The following OPCML variants were observed in gnomAD, a reference collection of about 807,000 sequenced individuals.
OPCML encodes opioid binding protein/cell adhesion molecule like, also known as opioid-binding protein/cell adhesion molecule.
Under a neutral mutation model 37.8 loss-of-function variants are expected in OPCML, and 13 were observed. That is an observed-to-expected ratio of 0.34 (90% CI 0.22 to 0.55). OPCML has a LOEUF of 0.55. OPCML is among the 20% of genes least tolerant of loss of function. The pLI is 0.91. For missense variants in OPCML, 341 were observed against 435.6 expected (o/e 0.78, Z 1.93); for synonymous variants, 176 against 168.8 (o/e 1.04, Z -0.33).
intron 1 of OPCML, among the ~76,000 whole-genome samples, chr11:133,471,814 G>A (rs1947122621): frequency 6.6e-6 from 1 of 152,174 alleles, no homozygotes; most frequent in East Asian, 1.9e-4. Context: ...CTGAGGTCAG[G>A]AGTCATTGAA....
intron 1 of OPCML, among the ~76,000 whole-genome samples, chr11:133,149,647 A>ATTATCT (rs1441007121): frequency 2.6e-5 from 4 of 152,188 alleles, no homozygotes; most frequent in Non-Finnish European, 5.9e-5. Context: ...CGGCTGTGGA[A>ATTATCT]ACTTTGTCCA....
intron 1 of OPCML, among the ~76,000 whole-genome samples, chr11:133,228,410 C>G (rs747859406): frequency 6.6e-6 from 1 of 152,244 alleles, no homozygotes; most frequent in East Asian, 1.9e-4. Context: ...GGACTAGATT[C>G]CTAGTTTTCT....
intron 1 of OPCML, among the ~76,000 whole-genome samples, chr11:133,041,669 C>T (rs1947899973): frequency 6.6e-6 from 1 of 152,176 alleles, no homozygotes; most frequent in Admixed American, 6.5e-5. Flanking sequence ...CTGTTGTTGC[C>T]TTGATCCAAA....
chr11:132,905,816 AT>A (rs748567724), intron 2 of OPCML, among the ~76,000 whole-genome samples: 4 of 152,172 alleles, frequency 2.6e-5, no homozygotes, highest in Non-Finnish European at 5.9e-5. Flanking sequence ...CCTCTGTATA[AT>A]GGGAATAATA....
Position 132,943,807 on chromosome 11 carries a change from C to T in OPCML, c.62-797G>A, listed in dbSNP as rs1308763715. ...ACGGGGAGCTGGGCGGACGGCGGCC[C>T]CCGCCTCCTCCGGGGACGCGGCACG... is the stretch of plus-strand genomic sequence containing the variant. On this transcript the variant is annotated intron_variant, in intron 1 of 7. Transcript: ENST00000524381. The surrounding 1 kb of genome is among the most constrained non-coding windows in gnomAD (Gnocchi z 4.3). The T allele has an allele frequency of 1.3e-5, 2 of 150,170 alleles. No homozygotes were observed. Among genetic ancestry groups the T allele is most frequent in the Non-Finnish European group, 3.0e-5 (2 of 67,388 alleles). 9.3% of individuals were successfully genotyped at this position (150,170 alleles called of 1,614,324 possible). A position where few individuals can be genotyped will look rare whatever the true frequency, so the allele number is the denominator to read the frequency against.
At chr11:132,505,182 C>T (rs11223095) in intron 4 of OPCML, among the ~76,000 whole-genome samples, 28,576 of 151,930 alleles carry the variant, frequency 0.19, 2,783 homozygotes, top group Non-Finnish European at 0.2. Context: ...AGAATAGGGG[C>T]AAGGCACCAT....
At chr11:133,024,437 C>G (rs1947510656) in intron 1 of OPCML, 3 of 984,564 alleles carry the variant, frequency 3.0e-6, no homozygotes, top group African/African-American at 1.7e-5. Flanking sequence ...GTCAAGCACA[C>G]ACAGGAAGAA....
intron 1 of OPCML, among the ~76,000 whole-genome samples, chr11:133,386,165 C>T (rs972517118): frequency 3.3e-5 from 5 of 152,214 alleles, no homozygotes; most frequent in African/African-American, 4.8e-5. Flanking sequence ...ACCATTGTTA[C>T]AACGCAATAA....
At chr11:132,975,291 TG>T (rs1946433734) in intron 1 of OPCML, among the ~76,000 whole-genome samples, 1 of 151,784 alleles carries the variant, frequency 6.6e-6, no homozygotes, top group Non-Finnish European at 1.5e-5. Flanking sequence ...ATGGAAGTTT[TG>T]TTTTCAGTTG....
At chr11:133,129,487 T>C (rs1414694065) in intron 1 of OPCML, among the ~76,000 whole-genome samples, 1 of 152,190 alleles carries the variant, frequency 6.6e-6, no homozygotes, top group Admixed American at 6.5e-5. Flanking sequence ...AATTATTTTC[T>C]TGTAATTCAA....
At chr11:132,988,114 T>C (rs1946711854) in intron 1 of OPCML, among the ~76,000 whole-genome samples, 1 of 152,192 alleles carries the variant, frequency 6.6e-6, no homozygotes, top group Non-Finnish European at 1.5e-5. Context: ...GTTCTCTTTT[T>C]TTTATTAGGA....
chr11:132,570,804 T>TATATAGAGAGAGAGAGAGAGAGAG (rs2096436416), intron 3 of OPCML, among the ~76,000 whole-genome samples: 2 of 90,758 alleles, frequency 2.2e-5, no homozygotes, highest in African/African-American at 5.0e-5. Flanking sequence ...TATATATATT[T>TATATAGAGAGAGAGAGAGAGAGAG]AGAGAGAGAG....
At chr11:133,024,260 G>T in intron 1 of OPCML, 2 of 791,436 alleles carry the variant, frequency 2.5e-6, no homozygotes, top group Non-Finnish European at 3.1e-6. Context: ...GGTGAGAAGC[G>T]AAGAAAAAGC....
intron 4 of OPCML, among the ~76,000 whole-genome samples, chr11:132,494,757 A>G (rs185762992): frequency 1.3e-5 from 2 of 152,338 alleles, no homozygotes; most frequent in East Asian, 3.9e-4. Flanking sequence ...CAAAACAAAA[A>G]CTGAACATTT....
intron 1 of OPCML, among the ~76,000 whole-genome samples, chr11:133,289,594 C>CAAAAAAAAAAAAAAAAAAAAAAAA (rs1229577687): frequency 1.9e-5 from 1 of 52,292 alleles, no homozygotes; most frequent in African/African-American, 7.5e-5. Flanking sequence ...GACTCCATCT[C>CAAAAAAAAAAAAAAAAAAAAAAAA]AAAAAAAAAA....
At chr11:133,521,391 A>C (rs1948393688) in intron 1 of OPCML, among the ~76,000 whole-genome samples, 1 of 152,192 alleles carries the variant, frequency 6.6e-6, no homozygotes, top group Non-Finnish European at 1.5e-5. Context: ...TGTTTGCTTT[A>C]AAAATAAGTA....
In OPCML at chr11:133,433,601, C is replaced by T. The variant is rs537622965; in HGVS notation, c.61+98663G>A. On this transcript the variant is annotated intron_variant, in intron 1 of 7. Coordinates refer to ENST00000524381, the MANE Select transcript of OPCML (RefSeq NM_001012393.5). ...TCTTACCAACCTATGTCCAAGCTTA[C>T]GACATGGGAGCCACACAGGAGTCGT... is the stretch of plus-strand genomic sequence containing the variant. Among the ~76,000 whole-genome samples the T allele has an allele frequency of 4.6e-5, 7 of 152,246 alleles. No individual in the cohort carries two copies. In the South Asian group the frequency reaches 8.3e-4, roughly 18 times the overall value.
At chr11:132,683,168 A>C (rs1302767509) in intron 2 of OPCML, among the ~76,000 whole-genome samples, 1 of 152,186 alleles carries the variant, frequency 6.6e-6, no homozygotes, top group African/African-American at 2.4e-5. Flanking sequence ...TAATCCCAAT[A>C]ATTTGGGAAG....
intron 1 of OPCML, among the ~76,000 whole-genome samples, chr11:133,293,629 C>G (rs902052188): frequency 6.6e-6 from 1 of 152,126 alleles, no homozygotes; most frequent in African/African-American, 2.4e-5. Flanking sequence ...CTGGACTCAG[C>G]CCACACATGG....
Sources: gnomAD v4.1 joint callset for allele counts (sites outside exome capture counted in the v4.1 genomes callset) on GRCh38, gnomAD v4.1.1 for gene constraint, Gnocchi (gnomAD v3.1) non-coding constraint, MANE v1.5 for transcripts, NCBI Gene and HGNC (gene_info 2026-07-23, HGNC 2026-07-21) for gene names.